Variants in AGMO observed in about 807,000 individuals in gnomAD.
AGMO encodes the protein glyceryl-ether monooxygenase.
In AGMO, 75 loss-of-function variants were observed where a neutral mutation model predicts 60.2. That is an observed-to-expected ratio of 1.25 (90% CI 1.03 to 1.51). The LOEUF is 1.51. AGMO is among the 40% of genes most tolerant of loss of function. The pLI is 0.00. For synonymous variants in AGMO, 261 were observed against 177.1 expected (o/e 1.47, Z -3.76); for missense variants, 763 against 525.5 (o/e 1.45, Z -4.42).
chr7:15,556,854 A>G (rs530261632), intron 2 of AGMO, among the ~76,000 whole-genome samples: 3 of 152,082 alleles, frequency 2.0e-5, no homozygotes, highest in African/African-American at 2.4e-5. Flanking sequence ...ATATATTTTT[A>G]TAAGTAGGAC....
chr7:15,297,667 AC>A (rs918639014), intron 12 of AGMO, among the ~76,000 whole-genome samples: 30 of 152,188 alleles, frequency 2.0e-4, no homozygotes, highest in African/African-American at 7.0e-4. Context: ...TAACTAGCAT[AC>A]CCCCCTTCCT....
intron 12 of AGMO, among the ~76,000 whole-genome samples, chr7:15,312,416 G>C (rs1780793753): frequency 6.6e-6 from 1 of 151,970 alleles, no homozygotes; most frequent in South Asian, 2.1e-4. Context: ...TTAAGTAATT[G>C]AGTGTTAGAA....
chr7:15,117,628 C>A, the AGMO span, among the ~76,000 whole-genome samples: 1 of 151,888 alleles, frequency 6.6e-6, no homozygotes, highest in African/African-American at 2.4e-5. Context: ...ACCATGACAC[C>A]TATAATACCC....
At chr7:15,404,618 T>C (rs902655451) in intron 5 of AGMO, among the ~76,000 whole-genome samples, 1 of 151,806 alleles carries the variant, frequency 6.6e-6, no homozygotes, top group Non-Finnish European at 1.5e-5. Context: ...AATAATAACA[T>C]TATTTTAAAA....
At chr7:15,239,792 G>A (rs1399420466) in intron 12 of AGMO, among the ~76,000 whole-genome samples, 1 of 152,100 alleles carries the variant, frequency 6.6e-6, no homozygotes, top group Non-Finnish European at 1.5e-5. Flanking sequence ...TTAAAAATAT[G>A]TAGGTGAACA....
chr7:15,559,802 C>G (rs1785252016), intron 2 of AGMO, among the ~76,000 whole-genome samples: 1 of 151,844 alleles, frequency 6.6e-6, no homozygotes, highest in South Asian at 2.1e-4. Flanking sequence ...ATGGCTACAC[C>G]CGAGACAGCT....
At chr7:15,321,388 A>G (rs1293409288) in intron 12 of AGMO, among the ~76,000 whole-genome samples, 1 of 152,182 alleles carries the variant, frequency 6.6e-6, no homozygotes, top group Non-Finnish European at 1.5e-5. Context: ...TGAGTGAAAT[A>G]CTTTCTTGTA....
intron 3 of AGMO, among the ~76,000 whole-genome samples, chr7:15,477,654 G>C (rs746160966): frequency 4.6e-5 from 7 of 152,088 alleles, no homozygotes; most frequent in Non-Finnish European, 1.5e-5. Context: ...AGCCAGTAAA[G>C]TAACTTACTG....
At chr7:15,549,233 C>T (rs1346637052) in intron 2 of AGMO, among the ~76,000 whole-genome samples, 8 of 143,536 alleles carry the variant, frequency 5.6e-5, no homozygotes, top group Non-Finnish European at 1.2e-4. Flanking sequence ...TAAAGACCAT[C>T]GAGACTAGGA....
At chr7:15,253,301 T>C (rs112062870) in intron 12 of AGMO, among the ~76,000 whole-genome samples, 1 of 152,194 alleles carries the variant, frequency 6.6e-6, no homozygotes, top group Non-Finnish European at 1.5e-5. Flanking sequence ...GAGATGCTAA[T>C]GTTGGTACAT....
intron 12 of AGMO, 117 bp from the exon 13 acceptor site, chr7:15,201,476 G>C (rs1219116259): frequency 1.5e-6 from 1 of 650,432 alleles, no homozygotes; most frequent in Non-Finnish European, 2.5e-6. Context: ...AGGGAGTCAA[G>C]TTATTAAATT....
chr7:15,309,105 C>T (rs1163240364), intron 12 of AGMO, among the ~76,000 whole-genome samples: 1 of 152,126 alleles, frequency 6.6e-6, no homozygotes, highest in Non-Finnish European at 1.5e-5. Flanking sequence ...GTTCCTTAGA[C>T]TAGTTATTCA....
At chr7:15,336,908 C>T (rs1209016049) in intron 12 of AGMO, among the ~76,000 whole-genome samples, 1 of 152,120 alleles carries the variant, frequency 6.6e-6, no homozygotes, top group African/African-American at 2.4e-5. Flanking sequence ...CCACATAAAA[C>T]CATTTTGACA....
At chr7:15,339,539 C>A (rs1403087647) in intron 12 of AGMO, among the ~76,000 whole-genome samples, 1 of 152,130 alleles carries the variant, frequency 6.6e-6, no homozygotes, top group East Asian at 1.9e-4. Flanking sequence ...TGTCAATTTG[C>A]AACATTATAT....
At chr7:15,453,768 G>A (rs1781917772) in intron 3 of AGMO, among the ~76,000 whole-genome samples, 1 of 152,074 alleles carries the variant, frequency 6.6e-6, no homozygotes, top group Admixed American at 6.6e-5. Flanking sequence ...GTCAGGTGAA[G>A]GGTCTGCCAA....
chr7:15,531,062 GTA>G (rs1784312485), intron 3 of AGMO, among the ~76,000 whole-genome samples: 2 of 15,516 alleles, frequency 1.3e-4, no homozygotes. Flanking sequence ...TATATATTCT[GTA>G]TATATTCTAT....
chr7:15,320,929 T>C (rs191752450), intron 12 of AGMO, among the ~76,000 whole-genome samples: 50 of 152,284 alleles, frequency 3.3e-4, no homozygotes, highest in Non-Finnish European at 3.1e-4. Context: ...CTTGCACAAG[T>C]TAAGGGTTTC....
chr7:15,198,771 G>C (rs113916621), downstream of AGMO, among the ~76,000 whole-genome samples: 1,045 of 152,252 alleles, frequency 6.9e-3, 13 homozygotes, highest in African/African-American at 0.024. Context: ...AAGACCAGAT[G>C]AGTCAGTTTA....
chr7:15,202,497 A>T (rs934905240), intron 12 of AGMO, among the ~76,000 whole-genome samples: 4 of 134,220 alleles, frequency 3.0e-5, no homozygotes, highest in Non-Finnish European at 4.7e-5. Flanking sequence ...AAACCCTCCC[A>T]AACAAGGATG....
Sources: gnomAD v4.1 joint callset for allele counts (sites outside exome capture counted in the v4.1 genomes callset) on GRCh38, gnomAD v4.1.1 for gene constraint, MANE v1.5 for transcripts, NCBI Gene and HGNC (gene_info 2026-07-23, HGNC 2026-07-21) for gene names.